Variants in VPS13B observed in about 807,000 individuals in gnomAD.
VPS13B encodes the protein intermembrane lipid transfer protein VPS13B.
Under a neutral mutation model 426.4 loss-of-function variants are expected in VPS13B, and 285 were observed. The observed-to-expected ratio is 0.67, with a 90% CI of 0.61 to 0.74. The LOEUF (loss-of-function observed/expected upper bound fraction) is 0.74. Ranked by LOEUF, VPS13B falls within the 30% of genes least tolerant of loss-of-function variation. The pLI is 0.00. For synonymous variants in VPS13B, 1,676 were observed against 1,676.4 expected (o/e 1.00, Z 0.01); for missense variants, 4,537 against 4,782.6 (o/e 0.95, Z 1.51).
intron 39 of VPS13B, among the ~76,000 whole-genome samples, chr8:99,761,424 C>T (rs1285878821): frequency 2.0e-5 from 3 of 152,198 alleles, no homozygotes; most frequent in Admixed American, 2.0e-4. Context: ...ACATTCATTG[C>T]CCCTAGGCTA....
At chr8:99,438,719 T>G (rs1378138065) in intron 22 of VPS13B, among the ~76,000 whole-genome samples, 1 of 152,178 alleles carries the variant, frequency 6.6e-6, no homozygotes, top group Non-Finnish European at 1.5e-5. Flanking sequence ...CAAAATATTT[T>G]CATGATGCAC....
At chr8:99,014,692 CAAAA>C (rs574786628) in intron 2 of VPS13B, among the ~76,000 whole-genome samples, 2 of 61,230 alleles carry the variant, frequency 3.3e-5, no homozygotes, top group African/African-American at 4.5e-5. Flanking sequence ...GAAAAAAAGA[CAAAA>C]AAAAAAAAAA....
intron 55 of VPS13B, among the ~76,000 whole-genome samples, chr8:99,850,420 C>A (rs1421681818): frequency 6.7e-6 from 1 of 148,616 alleles, no homozygotes; most frequent in Non-Finnish European, 1.5e-5. Context: ...TATACATACA[C>A]AGAAAACATT....
Position 99,431,597 on chromosome 8 carries a change from G to A in VPS13B, c.3143G>A (p.Ser1048Asn). Residue 1048 changes from serine (S) to asparagine (N), a missense_variant, in exon 22 of 62, where the codon AGT becomes AAT. Ser to Asn is a conservative substitution (Grantham distance 46). Around this residue, in one of 2 missense-constraint regions of VPS13B, gnomAD observed 4,311 missense variants for 4,474.3 expected, o/e 0.96. Coordinates refer to ENST00000357162, the MANE Select transcript of VPS13B (RefSeq NM_152564.5). ...AMLNISESCR[S>N]PEERMKEFIG... ...TTGAATATATCTGAAAGCTGTAGAAGTCCTGAAGAAAGAATGAAGGAATTT... is the reference window on the plus strand; with the variant it reads ...TTGAATATATCTGAAAGCTGTAGAAATCCTGAAGAAAGAATGAAGGAATTT... 6.2e-7 allele frequency: 1 copy of A among 1,613,452 alleles called. No homozygotes were observed. The highest frequency in any genetic ancestry group is 1.1e-5 in the South Asian group (1 of 91,056).
chr8:99,062,124 G>A (rs7829780), intron 3 of VPS13B, among the ~76,000 whole-genome samples: 1 of 152,162 alleles, frequency 6.6e-6, no homozygotes, highest in Admixed American at 6.5e-5. Context: ...ATATTCCCCC[G>A]AAGTTAGATC....
chr8:99,081,289 T>C (rs1673073560), intron 3 of VPS13B, among the ~76,000 whole-genome samples: 1 of 152,228 alleles, frequency 6.6e-6, no homozygotes, highest in African/African-American at 2.4e-5. Context: ...GCTTTGAGTC[T>C]GGTTAAAATT....
intron 17 of VPS13B, among the ~76,000 whole-genome samples, chr8:99,214,597 A>G (rs569385009): frequency 6.6e-6 from 1 of 152,314 alleles, no homozygotes; most frequent in South Asian, 2.1e-4. Flanking sequence ...TTAACTGATT[A>G]TATTAATTGA....
Position 99,871,588 on chromosome 8 carries a change from C to T in VPS13B, c.11636C>T (p.Thr3879Ile). Reference sequence around the variant, plus strand: ...TTCGTGGTGAGTGTCAGTGAGGACACACAGCAGCAGGCCTTCCCCGTCACA... The same window carrying T: ...TTCGTGGTGAGTGTCAGTGAGGACATACAGCAGCAGGCCTTCCCCGTCACA... ...VLFVVSVSED[T>I]QQQAFPVTEI... The change falls in exon 61 of 62, where the codon ACA (threonine) becomes ATA (isoleucine). Residue 3879 changes from threonine to isoleucine, a missense_variant. By Grantham distance (89) the Thr-to-Ile change is moderately conservative. Around this residue, in one of 2 missense-constraint regions of VPS13B, gnomAD observed 4,311 missense variants for 4,474.3 expected, o/e 0.96. Coordinates refer to ENST00000357162, the MANE Select transcript of VPS13B (RefSeq NM_152564.5). 1 of 1,614,194 alleles carries T rather than the reference C, an allele frequency of 6.2e-7. No homozygotes were observed. Among genetic ancestry groups the T allele is most frequent in the Non-Finnish European group, 8.5e-7 (1 of 1,180,044 alleles).
chr8:99,430,959 C>G (rs1250504623), intron 21 of VPS13B, among the ~76,000 whole-genome samples: 1 of 152,158 alleles, frequency 6.6e-6, no homozygotes, highest in African/African-American at 2.4e-5. Flanking sequence ...CTCAAGTGAT[C>G]TGCCTGACTC....
At chr8:99,260,130 G>T (rs763229302) in intron 17 of VPS13B, among the ~76,000 whole-genome samples, 1 of 152,020 alleles carries the variant, frequency 6.6e-6, no homozygotes, top group Non-Finnish European at 1.5e-5. Context: ...AGCCAAAGAC[G>T]CTATAAGTGA....
chr8:99,495,474 A>G (rs957883168), intron 25 of VPS13B, among the ~76,000 whole-genome samples: 1 of 151,946 alleles, frequency 6.6e-6, no homozygotes, highest in African/African-American at 2.4e-5. Context: ...TTCATGTTGG[A>G]TTGTTTTCTT....
intron 33 of VPS13B, among the ~76,000 whole-genome samples, chr8:99,607,300 T>G (rs1012275461): frequency 1.3e-5 from 2 of 152,228 alleles, no homozygotes; most frequent in South Asian, 2.1e-4. Flanking sequence ...TCTAGAGAGA[T>G]AATCTGGATA....
intron 25 of VPS13B, among the ~76,000 whole-genome samples, chr8:99,484,265 G>C (rs1820186613): frequency 1.3e-5 from 2 of 152,060 alleles, no homozygotes; most frequent in East Asian, 1.9e-4. Flanking sequence ...TTAGAAAGTT[G>C]AGGATTTTTT....
intron 4 of VPS13B, among the ~76,000 whole-genome samples, chr8:99,101,283 C>T (rs1461366789): frequency 6.6e-6 from 1 of 152,208 alleles, no homozygotes; most frequent in African/African-American, 2.4e-5. Context: ...AGGTGCCTGC[C>T]ACCACGCCCG....
At chr8:99,277,708 C>T (rs1818970513) in intron 19 of VPS13B, among the ~76,000 whole-genome samples, 7 of 152,126 alleles carry the variant, frequency 4.6e-5, no homozygotes. Context: ...TTCCTTAGTA[C>T]TTATCAGAAT....
rs1829257425 is a variant in VPS13B, at chr8:99,640,016, TAATAATAATAAGAAGAAG to T, written c.5221-1792_5221-1775del. ...ATAATAATAATAATAATAATAATAA[TAATAATAATAAGAAGAAG>T]AAGAAGAAGAAGAAGAGAAAAGAAA... On this transcript the variant is annotated intron_variant, in intron 33 of 61. Coordinates refer to ENST00000357162, the MANE Select transcript of VPS13B (RefSeq NM_152564.5). 4.1e-5 allele frequency among the ~76,000 whole-genome samples: 3 copies of T among 72,498 alleles called. 1 individual carries two copies. The highest frequency in any genetic ancestry group is 4.2e-4 in the South Asian group (1 of 2,358). The allele number at this position is 72,498 out of a possible 152,430, so 47.6% of individuals were successfully genotyped here.
intron 33 of VPS13B, among the ~76,000 whole-genome samples, chr8:99,609,915 C>G (rs1235595743): frequency 6.6e-6 from 1 of 152,206 alleles, no homozygotes; most frequent in African/African-American, 2.4e-5. Flanking sequence ...GTGAAAAACA[C>G]AAGCAGTGCC....
At chr8:99,350,782 T>G (rs1490181230) in intron 19 of VPS13B, among the ~76,000 whole-genome samples, 2 of 151,834 alleles carry the variant, frequency 1.3e-5, no homozygotes, top group East Asian at 3.9e-4. Context: ...GAATATGCAA[T>G]ATGTAATTAT....
chr8:99,802,850 A>C (rs1482859439), intron 43 of VPS13B, among the ~76,000 whole-genome samples: 1 of 152,174 alleles, frequency 6.6e-6, no homozygotes, highest in Non-Finnish European at 1.5e-5. Flanking sequence ...CAGATCTTTT[A>C]TCTTTCCCTT....
Sources: gnomAD v4.1 joint callset for allele counts (sites outside exome capture counted in the v4.1 genomes callset) on GRCh38, gnomAD v4.1.1 for gene constraint, gnomAD v4.1.1 regional missense constraint, MANE v1.5 for transcripts, NCBI Gene and HGNC (gene_info 2026-07-23, HGNC 2026-07-21) for gene names.